Variants in PRKN observed in about 807,000 individuals in gnomAD.
The protein encoded by PRKN is E3 ubiquitin-protein ligase parkin.
A neutral mutation model predicts 59.5 loss-of-function variants in PRKN; 56 were observed. The observed-to-expected ratio is 0.94, with a 90% CI of 0.76 to 1.18. PRKN has a LOEUF of 1.18. Ranked by LOEUF, PRKN falls within the 50% of genes most tolerant of loss-of-function variation. The pLI is 0.00. For synonymous variants in PRKN, 250 were observed against 222.1 expected (o/e 1.13, Z -1.12); for missense variants, 657 against 596.4 (o/e 1.10, Z -1.06).
intron 3 of PRKN, among the ~76,000 whole-genome samples, chr6:162,234,446 C>T (rs1562600807): frequency 6.6e-6 from 1 of 152,158 alleles, no homozygotes; most frequent in Non-Finnish European, 1.5e-5. Context: ...AGTTATATAA[C>T]ATAATATAGA....
chr6:161,884,600 A>G (rs1261555148), intron 6 of PRKN, among the ~76,000 whole-genome samples: 1 of 152,156 alleles, frequency 6.6e-6, no homozygotes. Flanking sequence ...TGATTCTTTT[A>G]TCAAGTAATT....
At chr6:161,896,131 A>T (rs1777618898) in intron 6 of PRKN, among the ~76,000 whole-genome samples, 1 of 152,182 alleles carries the variant, frequency 6.6e-6, no homozygotes, top group South Asian at 2.1e-4. Context: ...GCTGTCAGGT[A>T]TGCTTATGAG....
rs533347874 is a variant in PRKN, at chr6:162,037,743, C to T, written c.618+16348G>A. Among the ~76,000 whole-genome samples, 424 of 152,098 alleles carry T rather than the reference C, an allele frequency of 2.8e-3. 2 individuals are homozygous for T. Among genetic ancestry groups the T allele is most frequent in the Non-Finnish European group, 5.2e-3 (354 of 67,992 alleles). On this transcript the variant is annotated intron_variant, in intron 5 of 11. Coordinates refer to ENST00000366898, the MANE Select transcript of PRKN (RefSeq NM_004562.3). The stretch of plus-strand genomic sequence containing the variant: ...TGTATTTTTAGTAGAGACAGGGTTT[C>T]ACCATGTTGGCCAGGATGGTCTCAA...
In PRKN at chr6:161,414,172, G is replaced by A. The variant is rs1228755400; in HGVS notation, c.1084-27295C>T. ...CAAACTCTCAACAAGGTGGAAACTC[G>A]ACACTATGCTCTCAATCTCCATGCA... On this transcript the variant is annotated intron_variant, in intron 9 of 11. Coordinates refer to ENST00000366898, the MANE Select transcript of PRKN (RefSeq NM_004562.3). The surrounding 1 kb of genome is among the most constrained non-coding windows in gnomAD (Gnocchi z 5.3). Among the ~76,000 whole-genome samples, 1 of 152,126 alleles carries A rather than the reference G, an allele frequency of 6.6e-6. No individual in the cohort carries two copies. The highest frequency in any genetic ancestry group is 1.5e-5 in the Non-Finnish European group (1 of 68,018).
chr6:161,987,861 T>C (rs933544177), intron 5 of PRKN, among the ~76,000 whole-genome samples: 2 of 152,224 alleles, frequency 1.3e-5, no homozygotes, highest in African/African-American at 4.8e-5. Flanking sequence ...GAGAAATGTA[T>C]GCTGTGTTGG....
rs1008626480 is a variant in PRKN at position 161,405,857 on chromosome 6, T to G, written c.1084-18980A>C. Among the ~76,000 whole-genome samples, 2 of 152,028 alleles carry G rather than the reference T, an allele frequency of 1.3e-5. No homozygotes were observed. Among genetic ancestry groups the G allele is most frequent in the African/African-American group, 2.4e-5 (1 of 41,380 alleles). On this transcript the variant is annotated intron_variant, in intron 9 of 11. Transcript: ENST00000366898. The surrounding 1 kb of genome is among the most constrained non-coding windows in gnomAD (Gnocchi z 5.1). ...CTACCAATTTGGCAGTCCAAATAGA[T>G]TTTTCTTTTAAAGTAGACTTTTGCT...
chr6:162,454,048 A>G (rs1790750058), intron 1 of PRKN, among the ~76,000 whole-genome samples: 1 of 152,208 alleles, frequency 6.6e-6, no homozygotes, highest in African/African-American at 2.4e-5. Context: ...TATACTTTGT[A>G]CCTCATCAAA....
At position 161,576,789 on chromosome 6, in the gene PRKN, A is replaced by C. The variant is rs1781145662; in HGVS notation, c.872-7373T>G. Among the ~76,000 whole-genome samples the C allele has an allele frequency of 6.6e-6, 1 of 152,236 alleles. No individual in the cohort carries two copies. Among genetic ancestry groups the C allele is most frequent in the Admixed American group, 6.5e-5 (1 of 15,284 alleles). The stretch of plus-strand genomic sequence containing the variant: ...AAGTAAGTGTTCATTTCTTATTGAG[A>C]CCATGACACTGAAGCACAGATTTTT... On this transcript the variant is annotated intron_variant, in intron 7 of 11. Transcript: ENST00000366898. This position sits in a 1 kb window ranked among gnomAD's most constrained non-coding sequence, Gnocchi z 4.6.
intron 1 of PRKN, among the ~76,000 whole-genome samples, chr6:162,638,044 TTC>T (rs1777800255): frequency 6.6e-6 from 1 of 151,458 alleles, no homozygotes; most frequent in Non-Finnish European, 1.5e-5. Flanking sequence ...TTTATATAGT[TTC>T]TTTCATAGTT....
intron 6 of PRKN, among the ~76,000 whole-genome samples, chr6:161,808,890 G>T (rs1020944782): frequency 1.3e-5 from 2 of 152,128 alleles, no homozygotes; most frequent in Non-Finnish European, 2.9e-5. Flanking sequence ...GCTGAGGCTG[G>T]AGCGCGGTGG....
At chr6:162,725,136 T>C (rs1395532792) in intron 1 of PRKN, among the ~76,000 whole-genome samples, 1 of 152,202 alleles carries the variant, frequency 6.6e-6, no homozygotes, top group Non-Finnish European at 1.5e-5. Flanking sequence ...GTACACTCAA[T>C]AAAGATTCTC....
chr6:162,057,819 A>T (rs1777927104), intron 4 of PRKN, among the ~76,000 whole-genome samples: 1 of 152,186 alleles, frequency 6.6e-6, no homozygotes, highest in South Asian at 2.1e-4. Flanking sequence ...TCACTGGGAC[A>T]TTTGTTTCTA....
chr6:162,352,043 C>T (rs930530766), intron 2 of PRKN, among the ~76,000 whole-genome samples: 3 of 152,094 alleles, frequency 2.0e-5, no homozygotes, highest in Non-Finnish European at 1.5e-5. Flanking sequence ...CATACCCTAC[C>T]GGGTCAGATA....
At chr6:162,577,471 G>A (rs1780606684) in intron 1 of PRKN, among the ~76,000 whole-genome samples, 1 of 151,942 alleles carries the variant, frequency 6.6e-6, no homozygotes, top group Non-Finnish European at 1.5e-5. Flanking sequence ...CTGATGGCAG[G>A]CACCTGTAAT....
At chr6:161,986,370 G>C (rs988857536) in intron 5 of PRKN, among the ~76,000 whole-genome samples, 3 of 152,162 alleles carry the variant, frequency 2.0e-5, no homozygotes, top group Non-Finnish European at 2.9e-5. Flanking sequence ...TTTCCTAGGT[G>C]AAGCTAAAAA....
At chr6:161,907,540 C>T (rs987671672) in intron 6 of PRKN, among the ~76,000 whole-genome samples, 2 of 152,086 alleles carry the variant, frequency 1.3e-5, no homozygotes, top group Non-Finnish European at 2.9e-5. Flanking sequence ...TATTTATGTT[C>T]AAGTTTTCAT....
chr6:162,703,651 T>C (rs1183176941), intron 1 of PRKN, among the ~76,000 whole-genome samples: 1 of 152,192 alleles, frequency 6.6e-6, no homozygotes, highest in Non-Finnish European at 1.5e-5. Context: ...TAGATCATAC[T>C]ATCCCCATTT....
chr6:161,711,584 T>C (rs1786752658), intron 7 of PRKN, among the ~76,000 whole-genome samples: 1 of 152,162 alleles, frequency 6.6e-6, no homozygotes, highest in Non-Finnish European at 1.5e-5. Flanking sequence ...TGAGTGTTAA[T>C]TTGATTGGAT....
chr6:162,229,017 G>C (rs1778307410), intron 3 of PRKN, among the ~76,000 whole-genome samples: 1 of 152,160 alleles, frequency 6.6e-6, no homozygotes, highest in Non-Finnish European at 1.5e-5. Context: ...GACCACTTCT[G>C]TTTTCTATCC....
Sources: gnomAD v4.1 joint callset for allele counts (sites outside exome capture counted in the v4.1 genomes callset) on GRCh38, gnomAD v4.1.1 for gene constraint, Gnocchi (gnomAD v3.1) non-coding constraint, MANE v1.5 for transcripts, NCBI Gene and HGNC (gene_info 2026-07-23, HGNC 2026-07-21) for gene names.